SLC7A8: variants seen among roughly 807,000 people sequenced by gnomAD.
The protein encoded by SLC7A8 is large neutral amino acids transporter small subunit 2.
A neutral mutation model predicts 51.2 loss-of-function variants in SLC7A8; 30 were observed. The ratio of observed to expected loss-of-function variants is 0.59; its 90% CI spans 0.44 to 0.80. The LOEUF (loss-of-function observed/expected upper bound fraction) is 0.80. Among genes scored for constraint, SLC7A8 ranks in the 30% least tolerant of loss-of-function variants. The pLI, the probability that SLC7A8 is intolerant of heterozygous loss-of-function variation, is 0.00. For missense variants in SLC7A8, 612 were observed against 674.4 expected (o/e 0.91, Z 1.03); for synonymous variants, 257 against 275.8 (o/e 0.93, Z 0.67).
intron 1 of SLC7A8, among the ~76,000 whole-genome samples, chr14:23,181,673 G>A (rs1877189823): frequency 1.3e-5 from 2 of 152,214 alleles, no homozygotes; most frequent in African/African-American, 4.8e-5. Context: ...AGGACACAAC[G>A]AGCTCTCATA....
chr14:23,176,792 A>C (rs1268841999), intron 1 of SLC7A8, among the ~76,000 whole-genome samples: 1 of 151,946 alleles, frequency 6.6e-6, no homozygotes, highest in African/African-American at 2.4e-5. Flanking sequence ...AAATACAAAA[A>C]TTAGCTGAGC....
chr14:23,146,518 G>A (rs963228244), intron 3 of SLC7A8, among the ~76,000 whole-genome samples: 1 of 152,156 alleles, frequency 6.6e-6, no homozygotes, highest in Non-Finnish European at 1.5e-5. Flanking sequence ...ACAGAGATAG[G>A]GATGCTTTGT....
intron 1 of SLC7A8, among the ~76,000 whole-genome samples, chr14:23,181,824 A>G (rs1467426417): frequency 1.3e-5 from 2 of 152,214 alleles, no homozygotes; most frequent in African/African-American, 2.4e-5. Flanking sequence ...ATAGTGAGCT[A>G]TTGCCTGCCA....
At chr14:23,153,190 GC>G (rs1176890359) in intron 3 of SLC7A8, among the ~76,000 whole-genome samples, 1 of 152,122 alleles carries the variant, frequency 6.6e-6, no homozygotes, top group Non-Finnish European at 1.5e-5. Flanking sequence ...ATAGCTCACT[GC>G]AGCTTCCCAG....
At chr14:23,159,499 G>A (rs893630256) in intron 3 of SLC7A8, among the ~76,000 whole-genome samples, 1 of 152,250 alleles carries the variant, frequency 6.6e-6, no homozygotes, top group Non-Finnish European at 1.5e-5. Flanking sequence ...GACTAGGGAA[G>A]GGCAAGAAGG....
chr14:23,162,935 T>C (rs1398533518), intron 3 of SLC7A8, among the ~76,000 whole-genome samples: 1 of 152,122 alleles, frequency 6.6e-6, no homozygotes, highest in Non-Finnish European at 1.5e-5. Context: ...TGAGACACTT[T>C]AGCAGCATCA....
intron 8 of SLC7A8, chr14:23,130,079 C>G: frequency 2.7e-6 from 1 of 364,480 alleles, no homozygotes; most frequent in Non-Finnish European, 5.0e-6. Flanking sequence ...AGCAGCTAGA[C>G]TGGCCACACT....
At chr14:23,155,098 C>T in intron 3 of SLC7A8, 7 of 1,407,130 alleles carry the variant, frequency 5.0e-6, no homozygotes, top group Non-Finnish European at 6.7e-6. Context: ...GGTTTTGAAA[C>T]AGATCTTGCC....
At chr14:23,175,700 T>C (rs1007053581) in intron 1 of SLC7A8, among the ~76,000 whole-genome samples, 7 of 152,192 alleles carry the variant, frequency 4.6e-5, no homozygotes, top group Admixed American at 2.0e-4. Context: ...TCAACCAAAT[T>C]ACTCCTTTAG....
chr14:23,131,592 C>A, intron 7 of SLC7A8, 35 bp from the exon 8 acceptor site: 5 of 1,524,558 alleles, frequency 3.3e-6, no homozygotes, highest in Non-Finnish European at 4.4e-6. Context: ...CCTGGGATAA[C>A]CCAGGGACCA....
chr14:23,180,198 A>T (rs146391203), intron 1 of SLC7A8, among the ~76,000 whole-genome samples: 29 of 152,084 alleles, frequency 1.9e-4, no homozygotes, highest in Middle Eastern at 3.4e-3. Context: ...GAGCCACCGC[A>T]CCCGGCCCTT....
intron 2 of SLC7A8, 34 bp downstream of exon 2, chr14:23,166,302 C>G (rs1390058727): frequency 1.9e-6 from 3 of 1,602,172 alleles, no homozygotes; most frequent in Non-Finnish European, 2.6e-6. Flanking sequence ...CTCCTTTTCC[C>G]CTAGACCATT....
chr14:23,173,276 G>A (rs1014723273), intron 1 of SLC7A8, among the ~76,000 whole-genome samples: 6 of 152,200 alleles, frequency 3.9e-5, no homozygotes, highest in Admixed American at 3.9e-4. Flanking sequence ...GCAATATATG[G>A]CAAGATTTTA....
chr14:23,148,623 G>C (rs1368939578), intron 3 of SLC7A8, among the ~76,000 whole-genome samples: 3 of 152,224 alleles, frequency 2.0e-5, no homozygotes, highest in Non-Finnish European at 4.4e-5. Context: ...AAGAAGGTCA[G>C]AGTTATAAAA....
At chr14:23,144,970 T>C in intron 3 of SLC7A8, among the ~76,000 whole-genome samples, 1 of 150,224 alleles carries the variant, frequency 6.7e-6, no homozygotes, top group Admixed American at 6.6e-5. Flanking sequence ...TCTCACTCTG[T>C]CGCTCAGGCT....
At chr14:23,155,230 CCT>C (rs1353567153) in intron 3 of SLC7A8, 8 of 1,535,898 alleles carry the variant, frequency 5.2e-6, no homozygotes, top group Non-Finnish European at 7.0e-6. Flanking sequence ...TCCGGAAGGG[CCT>C]CTCTCTTCCA....
At chr14:23,134,410 C>G (rs2048668590) in intron 7 of SLC7A8, among the ~76,000 whole-genome samples, 4 of 127,120 alleles carry the variant, frequency 3.1e-5, no homozygotes, top group South Asian at 5.0e-4. Flanking sequence ...GCACTCCAGC[C>G]TGGGTGACAA....
intron 3 of SLC7A8, chr14:23,155,192 T>A (rs1418654352): frequency 8.5e-6 from 13 of 1,535,740 alleles, no homozygotes; most frequent in Middle Eastern, 3.3e-4. Context: ...CGGAACCCCC[T>A]CCAAAGGAGA....
In SLC7A8 at chr14:23,183,006, G is replaced by A; in HGVS notation, c.-92C>T. On this transcript the variant is annotated 5_prime_UTR_variant, in exon 1 of 11. It adds an upstream start codon to the 5' untranslated region. Transcript: ENST00000316902. ...TTGGGAGAGAGCTTTGAATTAGAAC[G>A]TCCTTTTCCGAAATAGGAACCACTG... 1 of 1,543,210 alleles carries A rather than the reference G, an allele frequency of 6.5e-7. No individual in the cohort carries two copies. Among genetic ancestry groups the A allele is most frequent in the Non-Finnish European group, 8.9e-7 (1 of 1,126,318 alleles).
Sources: allele counts gnomAD v4.1 joint callset (sites outside exome capture counted in the v4.1 genomes callset), GRCh38; gene constraint gnomAD v4.1.1; transcripts MANE v1.5; gene names NCBI Gene and HGNC (gene_info 2026-07-23, HGNC 2026-07-21).